The following FBRSL1 variants were observed in gnomAD, a reference collection of about 807,000 sequenced individuals.
The protein encoded by FBRSL1 is fibrosin-1-like protein.
Under a neutral mutation model 89.6 loss-of-function variants are expected in FBRSL1, and 51 were observed. That is an observed-to-expected ratio of 0.57 (90% confidence interval 0.45 to 0.72). FBRSL1 has a LOEUF of 0.72. Ranked by LOEUF, FBRSL1 falls within the 30% of genes least tolerant of loss-of-function variation. The probability of loss-of-function intolerance (pLI) is 0.00; values close to 1 mark genes in which losing one functional copy is unlikely to be tolerated. For synonymous variants in FBRSL1, 779 were observed against 681.1 expected (o/e 1.14, Z -2.24); for missense variants, 1,618 against 1,451.8 (o/e 1.11, Z -1.86).
chr12:132,534,810 C>A (rs1034298600), intron 4 of FBRSL1, among the ~76,000 whole-genome samples: 6 of 152,246 alleles, frequency 3.9e-5, no homozygotes, highest in African/African-American at 1.4e-4. Flanking sequence ...AGCACCATTC[C>A]AGCACATTCT....
At chr12:132,504,526 GC>G (rs1223594615) in intron 1 of FBRSL1, among the ~76,000 whole-genome samples, 1 of 152,096 alleles carries the variant, frequency 6.6e-6, no homozygotes, top group Non-Finnish European at 1.5e-5. Context: ...CGCAGGGAGG[GC>G]CTCCACCGCG....
intron 4 of FBRSL1, among the ~76,000 whole-genome samples, 160 bp downstream of exon 4, chr12:132,528,148 G>A (rs1318745777): frequency 6.6e-6 from 1 of 152,142 alleles, no homozygotes; most frequent in Non-Finnish European, 1.5e-5. Context: ...ACACCATGGG[G>A]TTGGTGGGGG....
At chr12:132,528,632 G>A (rs2036001113) in intron 4 of FBRSL1, among the ~76,000 whole-genome samples, 1 of 151,908 alleles carries the variant, frequency 6.6e-6, no homozygotes, top group Non-Finnish European at 1.5e-5. Context: ...GTGTCCGGGG[G>A]AGCGGGTGTG....
chr12:132,497,728 C>A (rs1048046090), intron 1 of FBRSL1, among the ~76,000 whole-genome samples: 4 of 152,308 alleles, frequency 2.6e-5, no homozygotes, highest in East Asian at 1.9e-4. Context: ...GCTGAGGCAA[C>A]CCCGGGCTGG....
At chr12:132,578,123 G>A (rs941410995) in intron 15 of FBRSL1, among the ~76,000 whole-genome samples, 1 of 152,242 alleles carries the variant, frequency 6.6e-6, no homozygotes, top group Non-Finnish European at 1.5e-5. Context: ...CCTGTTTTGT[G>A]TGTTACATGT....
intron 1 of FBRSL1, chr12:132,507,059 T>G (rs571329774): frequency 3.0e-6 from 1 of 335,614 alleles, no homozygotes; most frequent in South Asian, 1.2e-4. Context: ...GTCTCTGTCG[T>G]CTGCCCTTAC....
chr12:132,524,042 C>T (rs1009888759), intron 2 of FBRSL1, among the ~76,000 whole-genome samples: 5 of 152,238 alleles, frequency 3.3e-5, no homozygotes, highest in Non-Finnish European at 7.3e-5. Flanking sequence ...CGGCCCCGGG[C>T]TCTGCTGCAC....
intron 5 of FBRSL1, chr12:132,553,657 C>G (rs2038379211): frequency 6.6e-6 from 1 of 152,210 alleles, no homozygotes; most frequent in Admixed American, 6.5e-5. Context: ...GTCCTCAGAT[C>G]AAAGGCCCAA....
rs2033484694 is a variant in FBRSL1 at position 132,504,858 on chromosome 12, G to A, written c.292-3295G>A. 2.6e-5 allele frequency among the ~76,000 whole-genome samples: 4 copies of A among 152,042 alleles called. No homozygotes were observed. The Middle Eastern group carries it at 0.01, about 388-fold the overall frequency. On this transcript the variant is annotated intron_variant, in intron 1 of 18. Transcript: ENST00000680143. Reference sequence around the variant, plus strand: ...GATAAGCGGGGCCCAGGCCAGGCACGGTGGCTCACGCCTGTAATCCCAGCA... The same window carrying A: ...GATAAGCGGGGCCCAGGCCAGGCACAGTGGCTCACGCCTGTAATCCCAGCA...
chr12:132,521,804 C>T (rs942612018), intron 2 of FBRSL1, among the ~76,000 whole-genome samples: 5 of 152,194 alleles, frequency 3.3e-5, no homozygotes, highest in African/African-American at 7.2e-5. Context: ...GCACATTCCC[C>T]GGGAGGGCAC....
intron 2 of FBRSL1, among the ~76,000 whole-genome samples, chr12:132,522,926 C>T (rs1593332103): frequency 6.6e-6 from 1 of 152,128 alleles, no homozygotes; most frequent in Non-Finnish European, 1.5e-5. Flanking sequence ...CTTTGTCACT[C>T]TAGGGGGGGC....
chr12:132,518,678 C>G lies in FBRSL1; in HGVS notation c.490-7056C>G, dbSNP rs1204735056. On this transcript the variant is annotated intron_variant, in intron 2 of 18. Coordinates refer to ENST00000680143, the MANE Select transcript of FBRSL1 (RefSeq NM_001367871.1). ...CCCGTGCATCCATCCATCCACCCAT[C>G]TGTCCTTCCATCCACCCATCTGTCC... is the stretch of plus-strand genomic sequence containing the variant. 9.1e-4 allele frequency among the ~76,000 whole-genome samples: 137 copies of G among 151,370 alleles called. 1 individual carries two copies. The highest frequency in any genetic ancestry group is 3.5e-3 in the Middle Eastern group (1 of 286).
In FBRSL1 at chr12:132,497,689, C is replaced by T. The variant is rs187023052; in HGVS notation, c.291+6828C>T. On this transcript the variant is annotated intron_variant, in intron 1 of 18. Transcript: ENST00000680143. ...AGGCTAGAATCCAGGCTCTGGGCCT[C>T]GGGACCCCTAGGGCGCCGCCTCACA... is the stretch of plus-strand genomic sequence containing the variant. Among the ~76,000 whole-genome samples the T allele has an allele frequency of 1.4e-3, 214 of 152,260 alleles. 2 individuals carry two copies. Among genetic ancestry groups the T allele is most frequent in the Admixed American group, 4.6e-3 (71 of 15,306 alleles).
intron 1 of FBRSL1, among the ~76,000 whole-genome samples, chr12:132,494,232 G>A (rs2031616895): frequency 1.3e-5 from 2 of 152,178 alleles, no homozygotes; most frequent in African/African-American, 2.4e-5. Context: ...TCCCCTGGTT[G>A]TACTGACCAG....
intron 1 of FBRSL1, among the ~76,000 whole-genome samples, chr12:132,491,102 C>CA (rs917092045): frequency 2.4e-4 from 36 of 152,244 alleles, no homozygotes; most frequent in Non-Finnish European, 3.8e-4. Context: ...GTTGCAGAGG[C>CA]AAAAAAATCT....
intron 5 of FBRSL1, among the ~76,000 whole-genome samples, chr12:132,559,154 C>T (rs930685540): frequency 6.6e-6 from 1 of 152,276 alleles, no homozygotes. Flanking sequence ...GAGCCAGGTG[C>T]TTCCTGTCCC....
intron 1 of FBRSL1, among the ~76,000 whole-genome samples, chr12:132,502,177 G>A (rs1005725149): frequency 6.6e-6 from 1 of 152,196 alleles, no homozygotes; most frequent in Non-Finnish European, 1.5e-5. Flanking sequence ...AGGGACAGAG[G>A]GGGCAGCTGC....
At chr12:132,502,074 C>G (rs943683148) in intron 1 of FBRSL1, among the ~76,000 whole-genome samples, 7 of 152,168 alleles carry the variant, frequency 4.6e-5, no homozygotes, top group African/African-American at 1.7e-4. Flanking sequence ...AAGAGGTGAC[C>G]TCCCGGGTCT....
chr12:132,547,761 G>T (rs1176048067), intron 4 of FBRSL1, among the ~76,000 whole-genome samples: 1 of 152,178 alleles, frequency 6.6e-6, no homozygotes, highest in Non-Finnish European at 1.5e-5. Context: ...TAGTCGGCCT[G>T]GCTGTGCCCC....
Sources: allele counts gnomAD v4.1 joint callset (sites outside exome capture counted in the v4.1 genomes callset), GRCh38; gene constraint gnomAD v4.1.1; transcripts MANE v1.5; gene names NCBI Gene and HGNC (gene_info 2026-07-23, HGNC 2026-07-21).